Variants in CDH18 observed in about 807,000 individuals in gnomAD.
CDH18 encodes the protein cadherin 18, also known as cadherin-18.
A neutral mutation model predicts 67.9 loss-of-function variants in CDH18; 31 were observed. The ratio of observed to expected loss-of-function variants is 0.46; its 90% confidence interval spans 0.34 to 0.62. The LOEUF (loss-of-function observed/expected upper bound fraction) is 0.62. CDH18 is among the 20% of genes least tolerant of loss of function. The probability of loss-of-function intolerance (pLI) is 0.01; values close to 1 mark genes in which losing one functional copy is unlikely to be tolerated. For missense variants in CDH18, 890 were observed against 975.5 expected, an observed-to-expected ratio of 0.91 and a Z score of 1.17; for synonymous variants, 362 against 347.2, an observed-to-expected ratio of 1.04 and a Z score of -0.48.
At chr5:20,143,541 C>T (rs1750409650) in intron 2 of CDH18, among the ~76,000 whole-genome samples, 1 of 151,894 alleles carries the variant, frequency 6.6e-6, no homozygotes, top group African/African-American at 2.4e-5. Flanking sequence ...ATAATTTTTT[C>T]CCCCTCTTTA....
At chr5:19,772,148 T>C (rs1425285214) in intron 3 of CDH18, among the ~76,000 whole-genome samples, 1 of 152,162 alleles carries the variant, frequency 6.6e-6, no homozygotes, top group Non-Finnish European at 1.5e-5. Context: ...CAGGGCCTGA[T>C]TGTCACTCTT....
At chr5:20,078,246 G>C (rs149166666) in intron 2 of CDH18, among the ~76,000 whole-genome samples, 5,353 of 152,172 alleles carry the variant, frequency 0.035, 313 homozygotes, top group African/African-American at 0.12. Context: ...CAGATTGCCT[G>C]AGGTCAGGAG....
At chr5:19,680,198 T>C (rs1391319677) in intron 5 of CDH18, among the ~76,000 whole-genome samples, 2 of 152,080 alleles carry the variant, frequency 1.3e-5, no homozygotes, top group Admixed American at 6.6e-5. Flanking sequence ...ATACAATAAA[T>C]GGTGTTGTGA....
chr5:20,101,837 G>T (rs2150577456), intron 2 of CDH18, among the ~76,000 whole-genome samples: 1 of 152,300 alleles, frequency 6.6e-6, no homozygotes, highest in Non-Finnish European at 1.5e-5. Context: ...ATTTTGGGAG[G>T]CCGAGGCGGG....
intron 5 of CDH18, among the ~76,000 whole-genome samples, chr5:19,671,344 T>C (rs1482449865): frequency 6.6e-6 from 1 of 152,168 alleles, no homozygotes; most frequent in East Asian, 1.9e-4. Context: ...CAATACATTG[T>C]AATGCATAAA....
chr5:20,152,838 G>A (rs567294152), intron 2 of CDH18, among the ~76,000 whole-genome samples: 17 of 151,870 alleles, frequency 1.1e-4, no homozygotes, highest in African/African-American at 3.6e-4. Flanking sequence ...TTTACTTAAC[G>A]AAAAGTTGTT....
chr5:20,493,583 A>T (rs558500445), intron 1 of CDH18, among the ~76,000 whole-genome samples: 34 of 152,088 alleles, frequency 2.2e-4, no homozygotes, highest in African/African-American at 8.2e-4. Context: ...AACAGGGAAA[A>T]CTTCAAATAT....
chr5:20,468,339 C>T (rs974320604), intron 1 of CDH18, among the ~76,000 whole-genome samples: 2 of 152,114 alleles, frequency 1.3e-5, no homozygotes, highest in African/African-American at 4.8e-5. Flanking sequence ...ATTGCCAATA[C>T]ATTTAAAGTA....
intron 11 of CDH18, 89 bp from the exon 12 acceptor site, chr5:19,483,641 T>C (rs1579714781): frequency 1.5e-6 from 2 of 1,340,444 alleles, no homozygotes; most frequent in East Asian, 2.4e-5. Context: ...TGGGGATGTG[T>C]ATCTTTCTTG....
intron 1 of CDH18, among the ~76,000 whole-genome samples, chr5:20,467,862 A>G (rs1751753417): frequency 6.6e-6 from 1 of 151,898 alleles, no homozygotes; most frequent in African/African-American, 2.4e-5. Flanking sequence ...AAGTTTTACT[A>G]TTTCCTTATT....
At chr5:19,807,892 C>T (rs992025193) in intron 3 of CDH18, among the ~76,000 whole-genome samples, 1 of 152,026 alleles carries the variant, frequency 6.6e-6, no homozygotes, top group Non-Finnish European at 1.5e-5. Context: ...TAATGTTAAC[C>T]TTTCCCAATC....
At chr5:19,753,336 C>T (rs1026200554) in intron 3 of CDH18, among the ~76,000 whole-genome samples, 3 of 152,008 alleles carry the variant, frequency 2.0e-5, no homozygotes, top group African/African-American at 7.2e-5. Flanking sequence ...ATTGCATAAA[C>T]AAAAACAATA....
chr5:19,859,887 C>G (rs1274060029), intron 2 of CDH18, among the ~76,000 whole-genome samples: 2 of 151,994 alleles, frequency 1.3e-5, no homozygotes. Flanking sequence ...CAGAATAAAC[C>G]TCTTCAAATA....
At chr5:19,679,454 T>C (rs1331794423) in intron 5 of CDH18, among the ~76,000 whole-genome samples, 3 of 151,860 alleles carry the variant, frequency 2.0e-5, no homozygotes, top group African/African-American at 7.2e-5. Context: ...TCCTAACCAG[T>C]GCAATCAGGA....
intron 2 of CDH18, among the ~76,000 whole-genome samples, chr5:20,155,343 A>G (rs1034024399): frequency 2.0e-5 from 3 of 152,050 alleles, no homozygotes; most frequent in East Asian, 1.9e-4. Flanking sequence ...GTTGAAGCCT[A>G]TATTTGTTGC....
intron 1 of CDH18, among the ~76,000 whole-genome samples, chr5:20,519,863 C>CT (rs542257139): frequency 1.5e-4 from 22 of 143,856 alleles, no homozygotes; most frequent in Non-Finnish European, 3.0e-4. Context: ...GGCAGATGTC[C>CT]TTTTTTATTT....
At chr5:20,407,342 A>G (rs1746357392) in intron 1 of CDH18, among the ~76,000 whole-genome samples, 1 of 152,150 alleles carries the variant, frequency 6.6e-6, no homozygotes, top group African/African-American at 2.4e-5. Flanking sequence ...AGGGGCCACT[A>G]AGAAAAAAGA....
intron 2 of CDH18, among the ~76,000 whole-genome samples, chr5:19,965,032 G>A (rs1191997338): frequency 1.3e-5 from 2 of 152,112 alleles, no homozygotes; most frequent in Admixed American, 6.5e-5. Context: ...TAAAATGGTT[G>A]TACTTATAGA....
At position 19,968,380 on chromosome 5, in the gene CDH18, G is replaced by A. The variant is rs988160630; in HGVS notation, c.-257+12680C>T. The stretch of plus-strand genomic sequence containing the variant: ...ATGGAACCAAAAAAGAGCCTGCATC[G>A]CCCAGTCAATCCTAAGCCAAAAGAA... On this transcript the variant is annotated intron_variant, in intron 2 of 12. Coordinates refer to ENST00000382275, the MANE Select transcript of CDH18 (RefSeq NM_004934.5). Among the ~76,000 whole-genome samples the A allele has an allele frequency of 7.2e-5, 11 of 152,090 alleles. No individual in the cohort carries two copies. In the East Asian group the frequency reaches 1.2e-3, roughly 16 times the overall value.
Sources: allele counts gnomAD v4.1 joint callset (sites outside exome capture counted in the v4.1 genomes callset), GRCh38; gene constraint gnomAD v4.1.1; transcripts MANE v1.5; gene names NCBI Gene and HGNC (gene_info 2026-07-23, HGNC 2026-07-21).